Variants in ZNF28 observed in about 807,000 individuals in gnomAD.
ZNF28 encodes the protein zinc finger protein KOX24.
A neutral mutation model predicts 7.2 loss-of-function variants in ZNF28; 5 were observed. The ratio of observed to expected loss-of-function variants is 0.70; its 90% CI spans 0.36 to 1.46. The LOEUF (loss-of-function observed/expected upper bound fraction) is 1.46. Ranked by LOEUF, ZNF28 falls within the 40% of genes most tolerant of loss-of-function variation. The pLI is 0.03. For synonymous variants in ZNF28, 288 were observed against 292.4 expected (o/e 0.99, Z 0.15); for missense variants, 879 against 866.6 (o/e 1.01, Z -0.18).
intron 2 of ZNF28, among the ~76,000 whole-genome samples, chr19:52,811,808 A>C (rs1208073488): frequency 4.9e-5 from 7 of 142,360 alleles, no homozygotes; most frequent in Non-Finnish European, 9.1e-5. Flanking sequence ...CCGGGAGGTG[A>C]GGGGCTCCTC....
In ZNF28 at chr19:52,800,541, C is replaced by T; in HGVS notation, c.1304G>A (p.Gly435Glu). The change falls in exon 4 of 4, where the codon GGA becomes GAA. Residue 435 changes from glycine (G) to glutamate (E), a missense_variant. Around this residue, in one of 2 missense-constraint regions of ZNF28, gnomAD observed 864 missense variants for 830.2 expected, o/e 1.04. Transcript: ENST00000457749. ...YLAKHSIIHT[G>E]EKPYKCNECG... is the part of the protein sequence containing the mutation. ...TTCATTACACTTGTAAGGCTTCTCT[C>T]CAGTGTGAATTATACTATGTTTTGC... is the stretch of plus-strand genomic sequence containing the variant. The T allele has an allele frequency of 6.2e-7, 1 of 1,613,380 alleles. No individual in the cohort carries two copies. The highest frequency in any genetic ancestry group is 1.1e-5 in the South Asian group (1 of 91,024).
rs1002975470 is a variant in ZNF28 at position 52,821,596 on chromosome 19, G to A, written c.-84C>T. The A allele has an allele frequency of 2.0e-5, 3 of 152,158 alleles. No homozygotes were observed. The highest frequency in any genetic ancestry group is 2.9e-5 in the Non-Finnish European group (2 of 68,038). The allele number at this position is 152,158 out of a possible 1,614,324, so 9.4% of individuals were successfully genotyped here. A position where few individuals can be genotyped will look rare whatever the true frequency, so the allele number is the denominator to read the frequency against. On this transcript the variant is annotated 5_prime_UTR_variant, in exon 1 of 4. Coordinates refer to ENST00000457749, the MANE Select transcript of ZNF28 (RefSeq NM_006969.5). ...CAGAGCAAAACTCACCGCCCGCCGC[G>A]GCGTCACCGTCATTCCACGGGATCC...
At chr19:52,813,661 G>A (rs1191140701) in intron 2 of ZNF28, among the ~76,000 whole-genome samples, 1 of 142,954 alleles carries the variant, frequency 7.0e-6, no homozygotes, top group Non-Finnish European at 1.5e-5. Flanking sequence ...AGATTGCCTG[G>A]TGATCTATTT....
At chr19:52,810,236 T>C in intron 2 of ZNF28, 5 of 1,184,898 alleles carry the variant, frequency 4.2e-6, no homozygotes, top group Non-Finnish European at 6.3e-6. Flanking sequence ...AGCAGAGGAA[T>C]ATGAGTCTAC....
In ZNF28 at chr19:52,800,008, C is replaced by T. The variant is rs761354126; in HGVS notation, c.1837G>A (p.Gly613Ser). ...GEKPYKCNEC[G>S]KTFRQTSSLI... ...GATGATGTCTGACGGAAGGTCTTGC[C>T]ACACTCATTACACTTGTAAGGTTTC... The change falls in exon 4 of 4, where the codon GGC (glycine) becomes AGC (serine). Residue 613 changes from glycine to serine, a missense_variant. Around this residue, in one of 2 missense-constraint regions of ZNF28, gnomAD observed 864 missense variants for 830.2 expected, o/e 1.04. Coordinates refer to ENST00000457749, the MANE Select transcript of ZNF28 (RefSeq NM_006969.5). 6.2e-7 allele frequency: 1 copy of T among 1,614,166 alleles called. No homozygotes were observed. Among genetic ancestry groups the T allele is most frequent in the Non-Finnish European group, 8.5e-7 (1 of 1,180,016 alleles).
chr19:52,804,822 A>G (rs1377178322), intron 3 of ZNF28, among the ~76,000 whole-genome samples: 3 of 152,210 alleles, frequency 2.0e-5, no homozygotes, highest in African/African-American at 7.2e-5. Context: ...GCTATTTCTA[A>G]CAGGACAGTG....
intron 2 of ZNF28, among the ~76,000 whole-genome samples, chr19:52,811,154 G>A (rs1204296991): frequency 4.0e-5 from 6 of 149,938 alleles, no homozygotes; most frequent in Non-Finnish European, 6.0e-5. Flanking sequence ...TCGGCCTCCC[G>A]AGGTGCCGGG....
chr19:52,803,910 T>C (rs997039491), intron 3 of ZNF28, among the ~76,000 whole-genome samples: 1 of 151,996 alleles, frequency 6.6e-6, no homozygotes, highest in Non-Finnish European at 1.5e-5. Flanking sequence ...TGAGCTGAGA[T>C]CATGCCACTG....
chr19:52,809,457 T>TA (rs1456236081), intron 2 of ZNF28, among the ~76,000 whole-genome samples: 1 of 151,708 alleles, frequency 6.6e-6, no homozygotes, highest in Admixed American at 6.6e-5. Flanking sequence ...AAGAAGAAAA[T>TA]AGACACTGGC....
chr19:52,807,931 A>G (rs2062956745), intron 3 of ZNF28, 76 bp downstream of exon 3: 6 of 1,601,288 alleles, frequency 3.7e-6, no homozygotes, highest in Non-Finnish European at 4.3e-6. Context: ...TAGTCAAGTA[A>G]GGATGTGGCT....
In ZNF28 at chr19:52,799,732, T is replaced by C. The variant is rs1455544359; in HGVS notation, c.2113A>G (p.Asn705Asp). The C allele has an allele frequency of 1.2e-6, 2 of 1,612,832 alleles. No individual in the cohort carries two copies. The highest frequency in any genetic ancestry group is 4.5e-5 in the East Asian group (2 of 44,772). ...ECGKTFSQMS[N>D]LVYHHRLHSG... ...TGAAGTCTATGATGGTATACAAGGT[T>C]TGACATCTGACTGAAGGTCTTGCCA... The change falls in exon 4 of 4, where the codon AAC becomes GAC. Residue 705 changes from asparagine to aspartate, a missense_variant. This residue lies in a region of ZNF28 where 15 missense variants were observed against 36.4 expected (regional missense o/e 0.41). Transcript: ENST00000457749.
chr19:52,810,914 C>T (rs1405203378), intron 2 of ZNF28, among the ~76,000 whole-genome samples: 1 of 103,310 alleles, frequency 9.7e-6, no homozygotes, highest in African/African-American at 4.2e-5. Flanking sequence ...TCTCCCTCTC[C>T]CTCCACAGTC....
intron 2 of ZNF28, among the ~76,000 whole-genome samples, chr19:52,809,142 C>T (rs146962422): frequency 0.02 from 3,075 of 152,176 alleles, 106 homozygotes; most frequent in African/African-American, 0.067. Flanking sequence ...TGGGCAGTTG[C>T]GGGCAGGGGG....
At position 52,801,578 on chromosome 19, in the gene ZNF28, T is replaced by A. The variant is rs751698033; in HGVS notation, c.267A>T (p.Lys89Asn). The A allele has an allele frequency of 6.2e-7, 1 of 1,614,170 alleles. No individual in the cohort carries two copies. Residue 89 changes from lysine (K) to asparagine (N), a missense_variant, in exon 4 of 4, where the codon AAA (lysine) becomes AAT (asparagine). Lys to Asn is a moderately conservative substitution (Grantham distance 94). Transcript: ENST00000457749. Reference protein sequence around the residue: ...SHHIGDFCFQKIEKDIHGFQF... With the variant: ...SHHIGDFCFQNIEKDIHGFQF... ...GGAAGCCATGAATGTCTTTCTCAAT[T>A]TTCTGGAAGCAAAAATCTCCAATGT...
chr19:52,813,784 T>G lies in ZNF28; in HGVS notation c.15+4160A>C, dbSNP rs181718463. Among the ~76,000 whole-genome samples, 5 of 146,752 alleles carry G rather than the reference T, an allele frequency of 3.4e-5. 1 individual carries two copies. Among genetic ancestry groups the G allele is most frequent in the African/African-American group, 1.3e-4 (5 of 37,924 alleles). ...CTCCACTGTAAATTCCCCTTCCCCA[T>G]GGGGAAATGCACTACCTTGTTTTGG... is the stretch of plus-strand genomic sequence containing the variant. On this transcript the variant is annotated intron_variant, in intron 2 of 3. Coordinates refer to ENST00000457749, the MANE Select transcript of ZNF28 (RefSeq NM_006969.5).
At position 52,800,396 on chromosome 19, in the gene ZNF28, T is replaced by C. The variant is rs1054635274; in HGVS notation, c.1449A>G (p.Glu483=). Residue 483 remains glutamate (E), a synonymous_variant, in exon 4 of 4, where the codon GAA becomes GAG. Coordinates refer to ENST00000457749, the MANE Select transcript of ZNF28 (RefSeq NM_006969.5). ...CTCCAGTATGAATCCTCCTATGTCT[T>C]TCAAGGTGTGATTTGCACCTGAAAA... is the stretch of plus-strand genomic sequence containing the variant. ...DKVFRCKSHL[E]RHRRIHTGEK... 6.8e-6 allele frequency: 11 copies of C among 1,614,022 alleles called. No homozygotes were observed. In the African/African-American group the frequency reaches 1.3e-4, roughly 20 times the overall value.
At chr19:52,817,841 A>C (rs1410030124) in intron 2 of ZNF28, 103 bp downstream of exon 2, 6 of 1,582,868 alleles carry the variant, frequency 3.8e-6, no homozygotes, top group African/African-American at 1.3e-5. Context: ...GTGAGCAAAC[A>C]TATCAGGCAG....
intron 2 of ZNF28, among the ~76,000 whole-genome samples, chr19:52,814,940 T>A (rs1456474449): frequency 6.9e-6 from 1 of 145,888 alleles, no homozygotes; most frequent in East Asian, 2.0e-4. Context: ...AAATCTTTTT[T>A]TGCATATATA....
Position 52,800,028 on chromosome 19 carries a change from G to T in ZNF28, c.1817C>A (p.Pro606His). The T allele has an allele frequency of 1.9e-6, 3 of 1,614,174 alleles. No homozygotes were observed. Among genetic ancestry groups the T allele is most frequent in the Non-Finnish European group, 2.5e-6 (3 of 1,180,024 alleles). Residue 606 changes from proline (P) to histidine (H), a missense_variant, in exon 4 of 4, where the codon CCT becomes CAT. Pro to His is a moderately conservative substitution (Grantham distance 77). Around this residue, in one of 2 missense-constraint regions of ZNF28, gnomAD observed 864 missense variants for 830.2 expected, o/e 1.04. Coordinates refer to ENST00000457749, the MANE Select transcript of ZNF28 (RefSeq NM_006969.5). ...QHQRVHTGEKPYKCNECGKTF... is the reference protein window; with the variant it reads ...QHQRVHTGEKHYKCNECGKTF... ...CTTGCCACACTCATTACACTTGTAA[G>T]GTTTCTCTCCAGTATGAACTCTCTG...
Sources: allele counts gnomAD v4.1 joint callset (sites outside exome capture counted in the v4.1 genomes callset), GRCh38; gene constraint gnomAD v4.1.1; regional missense constraint gnomAD v4.1.1; transcripts MANE v1.5; gene names NCBI Gene and HGNC (gene_info 2026-07-23, HGNC 2026-07-21).